Variants in ADGRB2 observed in about 807,000 individuals in gnomAD.
ADGRB2 encodes the protein brain-specific angiogenesis inhibitor 2.
A neutral mutation model predicts 178.7 loss-of-function variants in ADGRB2; 47 were observed. That is an observed-to-expected ratio of 0.26 (90% CI 0.21 to 0.34). The LOEUF is 0.34. Among genes scored for constraint, ADGRB2 ranks in the 10% least tolerant of loss-of-function variants. ADGRB2 has a pLI of 1.00. For synonymous variants in ADGRB2, 870 were observed against 912.4 expected, an observed-to-expected ratio of 0.95 and a Z score of 0.84; for missense variants, 1,584 against 2,180.8, an observed-to-expected ratio of 0.73 and a Z score of 5.45.
rs961123711 is a variant in ADGRB2, at chr1:31,744,381, C to T, written c.923-24G>A. 5.8e-6 allele frequency: 9 copies of T among 1,546,660 alleles called. No homozygotes were observed. The highest frequency in any genetic ancestry group is 2.4e-5 in the East Asian group (1 of 40,906). ...GCCTACGAGAGAGGGACAGCGTCGG[C>T]GGCAGGGGGCACCTCCCAAGCACTC... On this transcript the variant is annotated intron_variant, in intron 5 of 32. Transcript: ENST00000373658. The surrounding 1 kb of genome is among the most constrained non-coding windows in gnomAD (Gnocchi z 6.7).
intron 18 of ADGRB2, 41 bp downstream of exon 18, chr1:31,738,158 GC>G: frequency 6.2e-7 from 1 of 1,601,570 alleles, no homozygotes; most frequent in Non-Finnish European, 8.5e-7. Flanking sequence ...GAAGCCCAGG[GC>G]CTCCTCCCTT....
In ADGRB2 at chr1:31,741,535, C is replaced by T; in HGVS notation, c.1688-56G>A. On this transcript the variant is annotated intron_variant, in intron 10 of 32. Coordinates refer to ENST00000373658, the MANE Select transcript of ADGRB2 (RefSeq NM_001364857.2). The surrounding 1 kb of genome is among the most constrained non-coding windows in gnomAD (Gnocchi z 6.5). ...TGGGGGCCGAGCTCTCACCCACACTCCTCCGTATCTCAGAGAGGCTGGGGG... is the reference window on the plus strand; with the variant it reads ...TGGGGGCCGAGCTCTCACCCACACTTCTCCGTATCTCAGAGAGGCTGGGGG... 6.3e-7 allele frequency: 1 copy of T among 1,586,906 alleles called. No homozygotes were observed. Among genetic ancestry groups the T allele is most frequent in the Non-Finnish European group, 8.6e-7 (1 of 1,163,564 alleles).
Position 31,739,292 on chromosome 1 carries a change from C to A in ADGRB2, c.2495+16G>T. Reference sequence around the variant, plus strand: ...TGGACCCTCAGCAGCCCCAGCCACCCATCCCCAGGACTCACCTGGGAGGCG... The same window carrying A: ...TGGACCCTCAGCAGCCCCAGCCACCAATCCCCAGGACTCACCTGGGAGGCG... On this transcript the variant is annotated intron_variant, in intron 15 of 32. Transcript: ENST00000373658. 1 of 1,445,062 alleles carries A rather than the reference C, an allele frequency of 6.9e-7. No homozygotes were observed. The highest frequency in any genetic ancestry group is 1.5e-5 in the South Asian group (1 of 66,754). 89.5% of individuals were successfully genotyped at this position (1,445,062 alleles called of 1,614,324 possible).
chr1:31,748,904 T>C (rs546909671), intron 4 of ADGRB2, among the ~76,000 whole-genome samples: 2 of 151,754 alleles, frequency 1.3e-5, no homozygotes, highest in Non-Finnish European at 2.9e-5. Context: ...ATTTTACTAA[T>C]GAGAAAGGAA....
Position 31,753,473 on chromosome 1 carries a change from CT to C in ADGRB2, c.838+2525del, listed in dbSNP as rs1646682506. Among the ~76,000 whole-genome samples, 1 of 152,222 alleles carries C rather than the reference CT, an allele frequency of 6.6e-6. No individual in the cohort carries two copies. Among genetic ancestry groups the C allele is most frequent in the African/African-American group, 2.4e-5 (1 of 41,458 alleles). On this transcript the variant is annotated intron_variant, in intron 4 of 32. Transcript: ENST00000373658. This position sits in a 1 kb window ranked among gnomAD's most constrained non-coding sequence, Gnocchi z 4.1. ...CCGGTACCAGCCCAAGCCCACCCTG[CT>C]AGGCCTCACTGTGGATCTTCCTCGG...
rs747157225 is a variant in ADGRB2 at position 31,744,376 on chromosome 1, G to A, written c.923-19C>T. The A allele has an allele frequency of 2.1e-5, 32 of 1,547,766 alleles. No individual in the cohort carries two copies. Among genetic ancestry groups the A allele is most frequent in the South Asian group, 1.1e-4 (9 of 83,934 alleles). On this transcript the variant is annotated intron_variant, in intron 5 of 32. Coordinates refer to ENST00000373658, the MANE Select transcript of ADGRB2 (RefSeq NM_001364857.2). The surrounding 1 kb of genome is among the most constrained non-coding windows in gnomAD (Gnocchi z 6.7). The stretch of plus-strand genomic sequence containing the variant: ...GGGTCGCCTACGAGAGAGGGACAGC[G>A]TCGGCGGCAGGGGGCACCTCCCAAG...
chr1:31,734,033 C>T lies in ADGRB2; in HGVS notation c.3453-890G>A, dbSNP rs540008999. ...GGTGGCACCATTCCGCAGAGACAGC[C>T]GGGGGAGGCCAAAGCAGAGAGATGG... On this transcript the variant is annotated intron_variant, in intron 25 of 32. Coordinates refer to ENST00000373658, the MANE Select transcript of ADGRB2 (RefSeq NM_001364857.2). Among the ~76,000 whole-genome samples the T allele has an allele frequency of 5.3e-5, 8 of 152,272 alleles. No homozygotes were observed. The East Asian group carries it at 1.2e-3, about 22-fold the overall frequency.
At position 31,737,455 on chromosome 1, in the gene ADGRB2, C is replaced by A. The variant is rs1461482227; in HGVS notation, c.2953G>T (p.Val985Leu). 5 of 1,614,008 alleles carry A rather than the reference C, an allele frequency of 3.1e-6. No homozygotes were observed. The African/African-American group carries it at 6.7e-5, about 22-fold the overall frequency. Residue 985 changes from valine (V) to leucine (L), a missense_variant, in exon 20 of 33, where the codon GTG becomes TTG. By Grantham distance (32) the Val-to-Leu change is conservative. Coordinates refer to ENST00000373658, the MANE Select transcript of ADGRB2 (RefSeq NM_001364857.2). ...SILASNILILVGQSRVLSKGV... is the reference protein window; with the variant it reads ...SILASNILILLGQSRVLSKGV... ...TTGCTCAGCACCCGGGACTGGCCCACGAGGATCAGGATGTTGGATGCCAAG... is the reference window on the plus strand; with the variant it reads ...TTGCTCAGCACCCGGGACTGGCCCAAGAGGATCAGGATGTTGGATGCCAAG...
chr1:31,759,081 C>T lies in ADGRB2; in HGVS notation c.-190-1570G>A, dbSNP rs942528606. ...ACCTCCCCTCACATACACACCAACACACATGGGTTTGAACACCCTTGTGCC... is the reference window on the plus strand; with the variant it reads ...ACCTCCCCTCACATACACACCAACATACATGGGTTTGAACACCCTTGTGCC... On this transcript the variant is annotated intron_variant, in intron 1 of 32. Transcript: ENST00000373658. The surrounding 1 kb of genome is among the most constrained non-coding windows in gnomAD (Gnocchi z 4.3). 5.3e-5 allele frequency among the ~76,000 whole-genome samples: 8 copies of T among 152,216 alleles called. No homozygotes were observed. The highest frequency in any genetic ancestry group is 4.6e-4 in the Admixed American group (7 of 15,286).
At chr1:31,734,580 G>A (rs906700780) in intron 25 of ADGRB2, among the ~76,000 whole-genome samples, 2 of 152,252 alleles carry the variant, frequency 1.3e-5, no homozygotes, top group Non-Finnish European at 2.9e-5. Context: ...ACCTGGGTGG[G>A]AGGTTGAGCC....
chr1:31,744,730 A>G lies in ADGRB2; in HGVS notation c.840T>C (p.Gly280=). Residue 280 remains glycine, a splice_region_variant and synonymous_variant, in exon 5 of 33, where the codon GGT becomes GGC. Transcript: ENST00000373658. This position sits in a 1 kb window ranked among gnomAD's most constrained non-coding sequence, Gnocchi z 6.7. ...CTTTCGGTTCCTCTTCCGGCTCCTC[A>G]CCTGGAACACGGAGGTGGTGGCAGG... The part of the protein sequence containing the change: ...NDLFTTEMRY[G]EEPEEEPKVK... 1 of 1,613,966 alleles carries G rather than the reference A, an allele frequency of 6.2e-7. No individual in the cohort carries two copies. The highest frequency in any genetic ancestry group is 1.6e-4 in the Middle Eastern group (1 of 6,062).
rs1569995498 is a variant in ADGRB2 at position 31,749,134 on chromosome 1, G to A, written c.839-4403C>T. Among the ~76,000 whole-genome samples, 3 of 152,044 alleles carry A rather than the reference G, an allele frequency of 2.0e-5. No individual in the cohort carries two copies. In the South Asian group the frequency reaches 6.2e-4, roughly 31 times the overall value. On this transcript the variant is annotated intron_variant, in intron 4 of 32. Coordinates refer to ENST00000373658, the MANE Select transcript of ADGRB2 (RefSeq NM_001364857.2). ...TCCTTGCCCCTCTTATCCTGTTTTC[G>A]TGCTACTGTTTAATTGCTCCTTTGC... is the stretch of plus-strand genomic sequence containing the variant.
intron 4 of ADGRB2, among the ~76,000 whole-genome samples, chr1:31,751,722 G>T (rs1646581950): frequency 6.6e-6 from 1 of 152,136 alleles, no homozygotes; most frequent in Non-Finnish European, 1.5e-5. Flanking sequence ...ACAATTGAAA[G>T]AGAAATTTCA....
In ADGRB2 at chr1:31,738,578, C is replaced by T. The variant is rs1310785904; in HGVS notation, c.2645+9G>A. The T allele has an allele frequency of 6.2e-7, 1 of 1,606,130 alleles. No individual in the cohort carries two copies. Among genetic ancestry groups the T allele is most frequent in the Admixed American group, 1.7e-5 (1 of 58,918 alleles). On this transcript the variant is annotated intron_variant, in intron 17 of 32. Coordinates refer to ENST00000373658, the MANE Select transcript of ADGRB2 (RefSeq NM_001364857.2). ...TCCCTTCCTCACCCAGAGGAGCCAC[C>T]CAACTCACGCTCTGGAGTAGTCCCA...
Position 31,727,476 on chromosome 1 carries a change from C to T in ADGRB2, c.4702G>A (p.Ala1568Thr), listed in dbSNP as rs539131298. 22 of 1,592,844 alleles carry T rather than the reference C, an allele frequency of 1.4e-5. No homozygotes were observed. The South Asian group carries it at 2.5e-4, about 18-fold the overall frequency. The change falls in exon 33 of 33, where the codon GCA (alanine) becomes ACA (threonine). Residue 1568 changes from alanine to threonine, a missense_variant. Physicochemically the swap from Ala to Thr is moderately conservative, Grantham distance 58. Around this residue, in one of 3 missense-constraint regions of ADGRB2, gnomAD observed 865 missense variants for 1,192.8 expected, o/e 0.73. Transcript: ENST00000373658. The surrounding 1 kb of genome is among the most constrained non-coding windows in gnomAD (Gnocchi z 4.4). ...GGTTCTGTGGGCTCCCAGGCTGCTG[C>T]CCGGTGCAGAGTCAGCCGTTCTCGG... ...KPRERLTLHR[A>T]AAWEPTEPPD...
At position 31,735,716 on chromosome 1, in the gene ADGRB2, C is replaced by T. The variant is rs1197360763; in HGVS notation, c.3268-51G>A. ...GGGAGACAGGATCACCAGGTGCCCT[C>T]CTGGCAGGGAAATCCCCATGTGGGA... On this transcript the variant is annotated intron_variant, in intron 23 of 32. Coordinates refer to ENST00000373658, the MANE Select transcript of ADGRB2 (RefSeq NM_001364857.2). This position sits in a 1 kb window ranked among gnomAD's most constrained non-coding sequence, Gnocchi z 6.0. 1.3e-6 allele frequency: 2 copies of T among 1,573,268 alleles called. No individual in the cohort carries two copies. Among genetic ancestry groups the T allele is most frequent in the Non-Finnish European group, 1.7e-6 (2 of 1,154,484 alleles).
In ADGRB2 at chr1:31,761,102, G is replaced by A. The variant is rs572591019; in HGVS notation, c.-191+2782C>T. ...CCTCCCCGGAACTTTGCAGCAGCTG[G>A]AGCCGCCGTTGCTACAGGAACCGAA... On this transcript the variant is annotated intron_variant, in intron 1 of 32. Transcript: ENST00000373658. This position sits in a 1 kb window ranked among gnomAD's most constrained non-coding sequence, Gnocchi z 4.2. The A allele has an allele frequency of 5.3e-5, 8 of 152,354 alleles. No individual in the cohort carries two copies. Among genetic ancestry groups the A allele is most frequent in the African/African-American group, 1.9e-4 (8 of 41,576 alleles). 9.4% of individuals were successfully genotyped at this position (152,354 alleles called of 1,614,324 possible).
chr1:31,760,952 G>C (rs1033119940), intron 1 of ADGRB2: 1 of 152,078 alleles, frequency 6.6e-6, no homozygotes, highest in Non-Finnish European at 1.5e-5. Flanking sequence ...AGGGGAGGGG[G>C]TTCCTCCTTA....
At position 31,759,230 on chromosome 1, in the gene ADGRB2, C is replaced by T; in HGVS notation, c.-190-1719G>A. 3.9e-6 allele frequency: 3 copies of T among 765,956 alleles called. No individual in the cohort carries two copies. In the South Asian group the frequency reaches 4.1e-5, roughly 10 times the overall value. 47.4% of individuals were successfully genotyped at this position (765,956 alleles called of 1,614,324 possible). On this transcript the variant is annotated intron_variant, in intron 1 of 32. Transcript: ENST00000373658. This position sits in a 1 kb window ranked among gnomAD's most constrained non-coding sequence, Gnocchi z 4.3. ...CCACAGATTCATGCTGTCACACACA[C>T]TCAGGAGTTAACACGCACACACAGG...
Sources: allele counts gnomAD v4.1 joint callset (sites outside exome capture counted in the v4.1 genomes callset), GRCh38; gene constraint gnomAD v4.1.1; regional missense constraint gnomAD v4.1.1; non-coding constraint Gnocchi (gnomAD v3.1); transcripts MANE v1.5; gene names NCBI Gene and HGNC (gene_info 2026-07-23, HGNC 2026-07-21).